Variants in TTYH1 observed in about 807,000 individuals in gnomAD.
The protein encoded by TTYH1 is protein tweety homolog 1.
TTYH1 carries 33 observed loss-of-function variants against 61.2 expected under a neutral mutation model. The ratio of observed to expected loss-of-function variants is 0.54; its 90% CI spans 0.41 to 0.72. TTYH1 has a LOEUF of 0.72. TTYH1 is among the 30% of genes least tolerant of loss of function. The pLI, the probability that TTYH1 is intolerant of heterozygous loss-of-function variation, is 0.00. For missense variants in TTYH1, 538 were observed against 575.8 expected (o/e 0.93, Z 0.67); for synonymous variants, 308 against 266.4 (o/e 1.16, Z -1.52).
rs367592602 is a variant in TTYH1, at chr19:54,429,395, G to A, written c.807+16G>A. 42 of 1,612,342 alleles carry A rather than the reference G, an allele frequency of 2.6e-5. No homozygotes were observed. Among genetic ancestry groups the A allele is most frequent in the African/African-American group, 2.4e-4 (18 of 74,900 alleles). ...CACGGCCGTGGTGAGTGCCAGGGCCGGGCCATTGGGCTCTGGGACTCAGGG... is the reference window on the plus strand; with the variant it reads ...CACGGCCGTGGTGAGTGCCAGGGCCAGGCCATTGGGCTCTGGGACTCAGGG... On this transcript the variant is annotated intron_variant, in intron 6 of 13. Transcript: ENST00000376530. This position sits in a 1 kb window ranked among gnomAD's most constrained non-coding sequence, Gnocchi z 5.1.
In TTYH1 at chr19:54,421,838, A is replaced by G. The variant is rs1340568394; in HGVS notation, c.418-352A>G. On this transcript the variant is annotated intron_variant, in intron 3 of 13. Transcript: ENST00000376530. This position sits in a 1 kb window ranked among gnomAD's most constrained non-coding sequence, Gnocchi z 4.8. ...ACTTCATGCCTTAGATTCCATGTCC[A>G]GCTGCAGACTCTAGACCATGGGACC... Among the ~76,000 whole-genome samples, 3 of 152,128 alleles carry G rather than the reference A, an allele frequency of 2.0e-5. No individual in the cohort carries two copies. The highest frequency in any genetic ancestry group is 2.9e-5 in the Non-Finnish European group (2 of 68,020).
In TTYH1 at chr19:54,436,225, C is replaced by A; in HGVS notation, c.*42+54C>A. The A allele has an allele frequency of 6.2e-7, 1 of 1,606,126 alleles. No homozygotes were observed. The highest frequency in any genetic ancestry group is 8.5e-7 in the Non-Finnish European group (1 of 1,173,534). The stretch of plus-strand genomic sequence containing the variant: ...TGCAGCCGGGCCTCTGCCCCCCTCC[C>A]GCCCTCCGAGCTGCTCCAGGCATGG... On this transcript the variant is annotated intron_variant, in intron 13 of 13. Coordinates refer to ENST00000376530, the MANE Select transcript of TTYH1 (RefSeq NM_020659.4). This position sits in a 1 kb window ranked among gnomAD's most constrained non-coding sequence, Gnocchi z 4.3.
rs939788544 is a variant in TTYH1 at position 54,416,584 on chromosome 19, C to T, written c.126+906C>T. 4.9e-6 allele frequency: 2 copies of T among 410,104 alleles called. No individual in the cohort carries two copies. The highest frequency in any genetic ancestry group is 4.4e-5 in the African/African-American group (2 of 45,292). The allele number at this position is 410,104 out of a possible 1,614,324, so 25.4% of individuals were successfully genotyped here. ...TGATGGGGCCTGAGCCCCTGGGCTC[C>T]GTCTTGGGTTGCTCCTGGGAGAAGG... is the stretch of plus-strand genomic sequence containing the variant. On this transcript the variant is annotated intron_variant, in intron 1 of 13. Coordinates refer to ENST00000376530, the MANE Select transcript of TTYH1 (RefSeq NM_020659.4). The surrounding 1 kb of genome is among the most constrained non-coding windows in gnomAD (Gnocchi z 7.0).
chr19:54,422,928 C>CAAAAA (rs573699988), intron 4 of TTYH1, among the ~76,000 whole-genome samples: 26 of 85,360 alleles, frequency 3.0e-4, no homozygotes, highest in South Asian at 1.3e-3. Flanking sequence ...GACTCCATCT[C>CAAAAA]AAAAAAAAAA....
Position 54,422,422 on chromosome 19 carries a change from C to T in TTYH1, c.638+12C>T, listed in dbSNP as rs371197447. Reference sequence around the variant, plus strand: ...GTGGAGGAGTACAGGTGAGACGCTGCTCTTCTTGCTCTCTGTGCCGGCAGC... The same window carrying T: ...GTGGAGGAGTACAGGTGAGACGCTGTTCTTCTTGCTCTCTGTGCCGGCAGC... On this transcript the variant is annotated intron_variant, in intron 4 of 13. Coordinates refer to ENST00000376530, the MANE Select transcript of TTYH1 (RefSeq NM_020659.4). The T allele has an allele frequency of 6.6e-7, 1 of 1,504,304 alleles. No individual in the cohort carries two copies. Among genetic ancestry groups the T allele is most frequent in the Non-Finnish European group, 8.9e-7 (1 of 1,118,624 alleles). The allele number at this position is 1,504,304 out of a possible 1,614,324, so 93.2% of individuals were successfully genotyped here.
chr19:54,416,631 G>A lies in TTYH1; in HGVS notation c.126+953G>A. The A allele has an allele frequency of 1.4e-6, 1 of 693,118 alleles. No homozygotes were observed. Among genetic ancestry groups the A allele is most frequent in the Non-Finnish European group, 2.1e-6 (1 of 478,016 alleles). The allele number at this position is 693,118 out of a possible 1,614,324, so 42.9% of individuals were successfully genotyped here. A position where few individuals can be genotyped will look rare whatever the true frequency, so the allele number is the denominator to read the frequency against. On this transcript the variant is annotated intron_variant, in intron 1 of 13. Transcript: ENST00000376530. The surrounding 1 kb of genome is among the most constrained non-coding windows in gnomAD (Gnocchi z 7.0). ...AAGGGGGCTGGGATTGGAGAGCTCA[G>A]GGGGCGTGGAGGGGGTCCCAGAAAA...
Position 54,415,486 on chromosome 19 carries a change from G to A in TTYH1, c.-67G>A, listed in dbSNP as rs1473565966. The stretch of plus-strand genomic sequence containing the variant: ...CCCAGCCAGACCCCGCGCCGCCCGC[G>A]CCCCGCTCGACTCCGGAGGCTCCCG... On this transcript the variant is annotated 5_prime_UTR_variant, in exon 1 of 14. Transcript: ENST00000376530. This position sits in a 1 kb window ranked among gnomAD's most constrained non-coding sequence, Gnocchi z 5.2. 1 of 1,136,534 alleles carries A rather than the reference G, an allele frequency of 8.8e-7. No homozygotes were observed. The highest frequency in any genetic ancestry group is 6.0e-5 in the East Asian group (1 of 16,598). 70.4% of individuals were successfully genotyped at this position (1,136,534 alleles called of 1,614,324 possible).
At chr19:54,431,480 C>T in intron 10 of TTYH1, 1 of 491,720 alleles carries the variant, frequency 2.0e-6, no homozygotes. Context: ...TTCCTGCCAC[C>T]TTTTCCTTCC....
At chr19:54,433,709 A>AT (rs1420910476) in intron 10 of TTYH1, 4 of 96,338 alleles carry the variant, frequency 4.2e-5, no homozygotes, top group African/African-American at 8.3e-5. Flanking sequence ...CCCCATCTCT[A>AT]TTAAAAAAAA....
At chr19:54,431,643 A>C in intron 10 of TTYH1, 1 of 186,330 alleles carries the variant, frequency 5.4e-6, no homozygotes, top group South Asian at 9.1e-5. Flanking sequence ...TAGTTCCCTC[A>C]CTTATAAACC....
chr19:54,421,433 G>T lies in TTYH1; in HGVS notation c.417+45G>T. The T allele has an allele frequency of 7.5e-7, 1 of 1,330,104 alleles. No homozygotes were observed. The highest frequency in any genetic ancestry group is 1.1e-6 in the Non-Finnish European group (1 of 921,610). The allele number at this position is 1,330,104 out of a possible 1,614,324, so 82.4% of individuals were successfully genotyped here. A position where few individuals can be genotyped will look rare whatever the true frequency, so the allele number is the denominator to read the frequency against. ...TGGGACCCCAGACCCACACCTGGAC[G>T]GGCTCCCCACACCCAAGGACAAAGG... On this transcript the variant is annotated intron_variant, in intron 3 of 13. Coordinates refer to ENST00000376530, the MANE Select transcript of TTYH1 (RefSeq NM_020659.4). The surrounding 1 kb of genome is among the most constrained non-coding windows in gnomAD (Gnocchi z 4.8).
rs2083064381 is a variant in TTYH1 at position 54,415,768 on chromosome 19, T to G, written c.126+90T>G. 7.6e-7 allele frequency: 1 copy of G among 1,308,348 alleles called. No individual in the cohort carries two copies. Among genetic ancestry groups the G allele is most frequent in the African/African-American group, 1.5e-5 (1 of 65,078 alleles). 81.0% of individuals were successfully genotyped at this position (1,308,348 alleles called of 1,614,324 possible). On this transcript the variant is annotated intron_variant, in intron 1 of 13. Transcript: ENST00000376530. This position sits in a 1 kb window ranked among gnomAD's most constrained non-coding sequence, Gnocchi z 5.2. The stretch of plus-strand genomic sequence containing the variant: ...GAAGGGGGCTGGGTCACAGATTTCC[T>G]GAGCTCCGCCGGAGGCTGGGGGCCG...
In TTYH1 at chr19:54,415,617, C is replaced by T. The variant is rs766321377; in HGVS notation, c.65C>T (p.Ala22Val). 7.9e-5 allele frequency: 123 copies of T among 1,562,726 alleles called. 1 individual carries two copies. The Middle Eastern group carries it at 8.6e-4, about 11-fold the overall frequency. The part of the protein sequence containing the change: ...WVHLLHQLPR[A>V]DFQLRPVPSV... Reference sequence around the variant, plus strand: ...CATCTCCTCCACCAGCTGCCCCGCGCCGACTTCCAGCTCCGCCCGGTGCCC... The same window carrying T: ...CATCTCCTCCACCAGCTGCCCCGCGTCGACTTCCAGCTCCGCCCGGTGCCC... The change falls in exon 1 of 14, where the codon GCC (alanine) becomes GTC (valine). Residue 22 changes from alanine to valine, a missense_variant. This residue lies in a region of TTYH1 where 157 missense variants were observed against 157.0 expected (regional missense o/e 1.00). Transcript: ENST00000376530. The surrounding 1 kb of genome is among the most constrained non-coding windows in gnomAD (Gnocchi z 5.2).
chr19:54,430,349 G>C (rs1358736011), intron 7 of TTYH1, among the ~76,000 whole-genome samples: 1 of 152,166 alleles, frequency 6.6e-6, no homozygotes, highest in Non-Finnish European at 1.5e-5. Flanking sequence ...GGGAGTATAG[G>C]GTTGCCCACC....
chr19:54,423,927 C>T (rs969232385), intron 4 of TTYH1, among the ~76,000 whole-genome samples: 2 of 152,108 alleles, frequency 1.3e-5, no homozygotes, highest in Non-Finnish European at 2.9e-5. Flanking sequence ...CTTTGGGAAG[C>T]CGAGGCAGGC....
chr19:54,420,184 C>T lies in TTYH1; in HGVS notation c.305+878C>T, dbSNP rs1037232822. On this transcript the variant is annotated intron_variant, in intron 2 of 13. Coordinates refer to ENST00000376530, the MANE Select transcript of TTYH1 (RefSeq NM_020659.4). This position sits in a 1 kb window ranked among gnomAD's most constrained non-coding sequence, Gnocchi z 4.8. ...GCTCTGAGCACAGCCCCCTCCCCGG[C>T]AGGGCAGCACCCACAGGTTGCAGAC... 1.3e-5 allele frequency among the ~76,000 whole-genome samples: 2 copies of T among 152,318 alleles called. No homozygotes were observed. Among genetic ancestry groups the T allele is most frequent in the African/African-American group, 4.8e-5 (2 of 41,572 alleles).
rs1363167707 is a variant in TTYH1 at position 54,430,250 on chromosome 19, G to A, written c.883+293G>A. Among the ~76,000 whole-genome samples the A allele has an allele frequency of 3.9e-5, 6 of 152,312 alleles. No individual in the cohort carries two copies. In the South Asian group the frequency reaches 8.3e-4, roughly 21 times the overall value. On this transcript the variant is annotated intron_variant, in intron 7 of 13. Coordinates refer to ENST00000376530, the MANE Select transcript of TTYH1 (RefSeq NM_020659.4). ...TAATGGTGCCAGGAAGAGAGAGGAG[G>A]GTCAGGAGAGGGTGCTCCTGGGCGT...
chr19:54,431,399 T>G, intron 10 of TTYH1: 15 of 496,848 alleles, frequency 3.0e-5, no homozygotes, highest in Admixed American at 3.8e-5. Flanking sequence ...TCCATATTCC[T>G]TCCCTCCTCC....
rs144656628 is a variant in TTYH1 at position 54,431,742 on chromosome 19, G to A, written c.1125+551G>A. 203 of 156,870 alleles carry A rather than the reference G, an allele frequency of 1.3e-3. 6 individuals are homozygous for A. In the East Asian group the frequency reaches 0.036, roughly 28 times the overall value. 9.7% of individuals were successfully genotyped at this position (156,870 alleles called of 1,614,324 possible). A position where few individuals can be genotyped will look rare whatever the true frequency, so the allele number is the denominator to read the frequency against. ...AGGCAGGGGTGGGCAGGGTGCCCAG[G>A]AGGAAAGATATCTGGTGTCCTGCAG... On this transcript the variant is annotated intron_variant, in intron 10 of 13. Transcript: ENST00000376530.
Sources: allele counts gnomAD v4.1 joint callset (sites outside exome capture counted in the v4.1 genomes callset), GRCh38; gene constraint gnomAD v4.1.1; regional missense constraint gnomAD v4.1.1; non-coding constraint Gnocchi (gnomAD v3.1); transcripts MANE v1.5; gene names NCBI Gene and HGNC (gene_info 2026-07-23, HGNC 2026-07-21).